The following ZMAT4 variants were observed in gnomAD, a reference collection of about 807,000 sequenced individuals.
ZMAT4 encodes the protein zinc finger matrin-type protein 4.
In ZMAT4, 17 loss-of-function variants were observed where a neutral mutation model predicts 28.7. The observed-to-expected ratio is 0.59, with a 90% CI of 0.41 to 0.89. ZMAT4 has a LOEUF of 0.89. Among genes scored for constraint, ZMAT4 ranks in the 40% least tolerant of loss-of-function variants. The probability of loss-of-function intolerance (pLI) is 0.00; values close to 1 mark genes in which losing one functional copy is unlikely to be tolerated. For missense variants in ZMAT4, 240 were observed against 283.8 expected (o/e 0.85, Z 1.11); for synonymous variants, 117 against 109.2 (o/e 1.07, Z -0.44).
At chr8:40,681,980 A>G (rs1809187123) in intron 4 of ZMAT4, among the ~76,000 whole-genome samples, 1 of 152,172 alleles carries the variant, frequency 6.6e-6, no homozygotes, top group African/African-American at 2.4e-5. Flanking sequence ...TATAATATCA[A>G]CAAAATCACT....
intron 5 of ZMAT4, among the ~76,000 whole-genome samples, chr8:40,637,398 A>G (rs1266922759): frequency 1.3e-5 from 2 of 152,210 alleles, no homozygotes; most frequent in Non-Finnish European, 2.9e-5. Flanking sequence ...ATCCCAGCAA[A>G]TGTGGGATTT....
intron 3 of ZMAT4, among the ~76,000 whole-genome samples, chr8:40,742,864 T>A (rs1812070904): frequency 6.6e-6 from 1 of 151,348 alleles, no homozygotes; most frequent in South Asian, 2.1e-4. Flanking sequence ...AATGTAGAAG[T>A]CAATAATTAA....
chr8:40,881,617 G>GAT (rs1818276984), intron 1 of ZMAT4, among the ~76,000 whole-genome samples: 1 of 150,240 alleles, frequency 6.7e-6, no homozygotes, highest in Non-Finnish European at 1.5e-5. Flanking sequence ...AGAAAAGAGA[G>GAT]AGAGAAAGAA....
chr8:40,874,114 C>G (rs1173305389), intron 1 of ZMAT4, among the ~76,000 whole-genome samples: 1 of 152,192 alleles, frequency 6.6e-6, no homozygotes, highest in Non-Finnish European at 1.5e-5. Context: ...AACTTCCGCC[C>G]CAGACACTAC....
At chr8:40,730,018 T>C (rs529888469) in intron 3 of ZMAT4, among the ~76,000 whole-genome samples, 1 of 152,344 alleles carries the variant, frequency 6.6e-6, no homozygotes, top group South Asian at 2.1e-4. Flanking sequence ...AGACCTGTGA[T>C]TCACAGAAGG....
At chr8:40,560,072 T>C (rs1803684374) in intron 6 of ZMAT4, among the ~76,000 whole-genome samples, 1 of 152,062 alleles carries the variant, frequency 6.6e-6, no homozygotes, top group Non-Finnish European at 1.5e-5. Context: ...CCTGTCCTAA[T>C]GACAGTTTGT....
At chr8:40,762,506 A>T (rs1812983592) in intron 3 of ZMAT4, among the ~76,000 whole-genome samples, 1 of 152,018 alleles carries the variant, frequency 6.6e-6, no homozygotes, top group African/African-American at 2.4e-5. Context: ...TTTTTTTTAA[A>T]TTAGCCAGGT....
intron 6 of ZMAT4, among the ~76,000 whole-genome samples, chr8:40,547,631 T>A (rs1803245751): frequency 6.6e-6 from 1 of 152,182 alleles, no homozygotes; most frequent in Non-Finnish European, 1.5e-5. Context: ...TTTTATTTTT[T>A]AAAAATTATA....
intron 6 of ZMAT4, among the ~76,000 whole-genome samples, chr8:40,560,403 C>T (rs532264448): frequency 6.6e-6 from 1 of 151,704 alleles, no homozygotes; most frequent in Non-Finnish European, 1.5e-5. Context: ...TCTTGGAAAA[C>T]AAATAATCAT....
intron 5 of ZMAT4, among the ~76,000 whole-genome samples, chr8:40,632,653 A>T (rs1035136326): frequency 6.6e-6 from 1 of 152,188 alleles, no homozygotes; most frequent in Non-Finnish European, 1.5e-5. Context: ...AGAAGCAAGG[A>T]AGGATGAGTC....
At chr8:40,684,453 G>T (rs921904939) in intron 4 of ZMAT4, among the ~76,000 whole-genome samples, 1 of 152,168 alleles carries the variant, frequency 6.6e-6, no homozygotes, top group Non-Finnish European at 1.5e-5. Context: ...TACTGAGCTG[G>T]AGGCACCCCC....
chr8:40,691,404 CAAAA>C (rs10581532), intron 4 of ZMAT4, among the ~76,000 whole-genome samples: 8 of 137,724 alleles, frequency 5.8e-5, no homozygotes, highest in Admixed American at 1.4e-4. Context: ...AAATAGACTG[CAAAA>C]AAAAAAAAAA....
intron 4 of ZMAT4, among the ~76,000 whole-genome samples, chr8:40,692,025 C>T (rs953848276): frequency 5.3e-5 from 8 of 152,176 alleles, no homozygotes; most frequent in Non-Finnish European, 1.2e-4. Context: ...ATTTAAATAA[C>T]CAAGGTAACT....
chr8:40,770,672 C>T (rs1250614908), intron 2 of ZMAT4, among the ~76,000 whole-genome samples: 1 of 152,000 alleles, frequency 6.6e-6, no homozygotes, highest in African/African-American at 2.4e-5. Context: ...CTCAGCCTCC[C>T]CAGTAGCTGG....
rs74995548 is a variant in ZMAT4 at position 40,702,553 on chromosome 8, C to T, written c.193-5152G>A. Among the ~76,000 whole-genome samples, 869 of 152,296 alleles carry T rather than the reference C, an allele frequency of 5.7e-3. 8 individuals are homozygous for T. The highest frequency in any genetic ancestry group is 0.02 in the African/African-American group (830 of 41,558). ...AGAATTCAATCAGGATGGAAAACCT[C>T]ACTGACTGGCTAGAAATTTAATCCC... On this transcript the variant is annotated intron_variant, in intron 3 of 6. Transcript: ENST00000297737.
intron 1 of ZMAT4, among the ~76,000 whole-genome samples, chr8:40,877,727 G>T (rs1818089043): frequency 6.6e-6 from 1 of 152,188 alleles, no homozygotes; most frequent in Admixed American, 6.5e-5. Flanking sequence ...GAGAGAGACG[G>T]AGTAGGGAGA....
intron 4 of ZMAT4, among the ~76,000 whole-genome samples, chr8:40,694,591 C>T (rs1809793532): frequency 6.6e-6 from 1 of 152,126 alleles, no homozygotes; most frequent in Non-Finnish European, 1.5e-5. Flanking sequence ...TCCTATCAGG[C>T]CTTCAACCCT....
chr8:40,825,733 G>A, intron 1 of ZMAT4, 53 bp from the exon 2 acceptor site: 4 of 1,407,452 alleles, frequency 2.8e-6, no homozygotes, highest in Non-Finnish European at 3.9e-6. Flanking sequence ...TGATGTTTAT[G>A]CAAGATATTA....
Position 40,596,984 on chromosome 8 carries a change from C to CT in ZMAT4, c.578-15724dup, listed in dbSNP as rs375922460. On this transcript the variant is annotated intron_variant, in intron 5 of 6. Transcript: ENST00000297737. ...GTGGCTCCAGGCAACTCACTTATGGCTTCTGAGCCTCATTTTCTCTTTTGT... is the reference window on the plus strand; with the variant it reads ...GTGGCTCCAGGCAACTCACTTATGGCTTTCTGAGCCTCATTTTCTCTTTTGT... Among the ~76,000 whole-genome samples the CT allele has an allele frequency of 2.1e-3, 314 of 152,306 alleles. 1 individual carries two copies. The highest frequency in any genetic ancestry group is 7.4e-3 in the African/African-American group (308 of 41,568).
Sources: allele counts gnomAD v4.1 joint callset (sites outside exome capture counted in the v4.1 genomes callset), GRCh38; gene constraint gnomAD v4.1.1; transcripts MANE v1.5; gene names NCBI Gene and HGNC (gene_info 2026-07-23, HGNC 2026-07-21).